PIWIL1: variants seen among roughly 807,000 people sequenced by gnomAD.
The protein encoded by PIWIL1 is piwi-like protein 1.
In PIWIL1, 73 loss-of-function variants were observed where a neutral mutation model predicts 114.4. The observed-to-expected ratio is 0.64, with a 90% CI of 0.53 to 0.78. PIWIL1 has a LOEUF of 0.78. Among genes scored for constraint, PIWIL1 ranks in the 30% least tolerant of loss-of-function variants. The pLI is 0.00. For missense variants in PIWIL1, 723 were observed against 1,063.1 expected (o/e 0.68, Z 4.45); for synonymous variants, 375 against 369.0 (o/e 1.02, Z -0.19).
Position 130,354,983 on chromosome 12 carries a change from C to A in PIWIL1, c.1267C>A (p.Arg423=). The A allele has an allele frequency of 6.2e-7, 1 of 1,606,838 alleles. No individual in the cohort carries two copies. The highest frequency in any genetic ancestry group is 8.5e-7 in the Non-Finnish European group (1 of 1,173,434). The change falls in exon 11 of 21, where the codon CGA becomes AGA. Residue 423 remains arginine, a synonymous_variant. Coordinates refer to ENST00000245255, the MANE Select transcript of PIWIL1 (RefSeq NM_004764.5). ...AGAGCAAAGGCAGCGTGAAGTGGGA[C>A]GACTCATTGATTACATTCATAAGTA... is the stretch of plus-strand genomic sequence containing the variant. The part of the protein sequence containing the change: ...TPEQRQREVG[R]LIDYIHKNDN...
the PIWIL1 span, among the ~76,000 whole-genome samples, chr12:130,406,544 T>C: frequency 6.6e-6 from 1 of 152,270 alleles, no homozygotes; most frequent in African/African-American, 2.4e-5. Context: ...AAATGGTTAA[T>C]TGTAAAAACC....
At chr12:130,357,965 G>C (rs1288479636) in intron 14 of PIWIL1, among the ~76,000 whole-genome samples, 2 of 152,226 alleles carry the variant, frequency 1.3e-5, no homozygotes, top group African/African-American at 4.8e-5. Flanking sequence ...GGGTCGCAGA[G>C]AGCAGGGAGC....
the PIWIL1 span, among the ~76,000 whole-genome samples, chr12:130,405,018 A>AG: frequency 6.6e-6 from 1 of 152,224 alleles, no homozygotes; most frequent in Non-Finnish European, 1.5e-5. Flanking sequence ...TCTCATAGTT[A>AG]GGAAAAAATG....
At chr12:130,342,770 A>C (rs1005568381) in intron 2 of PIWIL1, 101 bp downstream of exon 2, 1 of 930,212 alleles carries the variant, frequency 1.1e-6, no homozygotes, top group Non-Finnish European at 1.7e-6. Flanking sequence ...AGGATATAGG[A>C]AGTGAGCAAG....
chr12:130,402,168 G>A, the PIWIL1 span, among the ~76,000 whole-genome samples: 4 of 152,136 alleles, frequency 2.6e-5, no homozygotes, highest in East Asian at 3.9e-4. Flanking sequence ...CCAAAGTGAC[G>A]ACGGGACTTG....
At chr12:130,363,253 A>T in intron 18 of PIWIL1, 109 bp downstream of exon 18, 1 of 1,102,442 alleles carries the variant, frequency 9.1e-7, no homozygotes, top group Non-Finnish European at 1.3e-6. Flanking sequence ...CTTGATAGGG[A>T]CTGTAGGGCC....
At chr12:130,344,445 A>AGACGTGATATTTGAAACTTCT (rs1555226816) in intron 3 of PIWIL1, among the ~76,000 whole-genome samples, 1 of 151,944 alleles carries the variant, frequency 6.6e-6, no homozygotes, top group Non-Finnish European at 1.5e-5. Flanking sequence ...AAAGTGCTTT[A>AGACGTGATATTTGAAACTTCT]GACGTGATAT....
chr12:130,339,081 C>T (rs1001131281), intron 1 of PIWIL1, among the ~76,000 whole-genome samples: 1 of 152,070 alleles, frequency 6.6e-6, no homozygotes, highest in African/African-American at 2.4e-5. Flanking sequence ...GGCCCCTTCC[C>T]GCGTCCGCCG....
Position 130,349,840 on chromosome 12 carries a change from C to A in PIWIL1, c.933-16C>A. ...ACATTTCCATCAAATGCAGTCAAATCTCAACTGATCCCTAGGTATAACAAT... is the reference window on the plus strand; with the variant it reads ...ACATTTCCATCAAATGCAGTCAAATATCAACTGATCCCTAGGTATAACAAT... On this transcript the variant is annotated splice_polypyrimidine_tract_variant and intron_variant, in intron 8 of 20. Transcript: ENST00000245255. The A allele has an allele frequency of 1.4e-6, 2 of 1,406,286 alleles. No homozygotes were observed. Among genetic ancestry groups the A allele is most frequent in the South Asian group, 1.2e-5 (1 of 82,756 alleles). The allele number at this position is 1,406,286 out of a possible 1,614,324, so 87.1% of individuals were successfully genotyped here.
chr12:130,377,095 G>T (rs1009628053), downstream of PIWIL1, among the ~76,000 whole-genome samples: 2 of 152,180 alleles, frequency 1.3e-5, no homozygotes, highest in Non-Finnish European at 2.9e-5. Context: ...AGCTTCACTG[G>T]TATCATTAGC....
chr12:130,421,227 T>TC, the PIWIL1 span, among the ~76,000 whole-genome samples: 67 of 152,336 alleles, frequency 4.4e-4, no homozygotes, highest in African/African-American at 1.3e-3. Context: ...AGGTTTAGAA[T>TC]ACCCGAAAGG....
chr12:130,419,699 A>G, the PIWIL1 span: 1 of 152,246 alleles, frequency 6.6e-6, no homozygotes, highest in East Asian at 1.9e-4. The surrounding 1 kb of genome is among the most constrained non-coding windows in gnomAD (Gnocchi z 4.3). Context: ...ATAACAAAAA[A>G]TGGGAGAATA....
Position 130,346,399 on chromosome 12 carries a change from A to G in PIWIL1, c.346A>G (p.Thr116Ala). The stretch of plus-strand genomic sequence containing the variant: ...TTCAGGCATTATAGTAAGGTTAAGC[A>G]CTAACCATTTCCGGCTGACATCCCG... ...GSSGIIVRLS[T>A]NHFRLTSRPQ... The change falls in exon 5 of 21, where the codon ACT becomes GCT. Residue 116 changes from threonine (T) to alanine (A), a missense_variant. Transcript: ENST00000245255. The G allele has an allele frequency of 6.2e-7, 1 of 1,613,940 alleles. No homozygotes were observed. Among genetic ancestry groups the G allele is most frequent in the East Asian group, 2.2e-5 (1 of 44,886 alleles).
At chr12:130,399,799 C>CCCA in the PIWIL1 span, 19 of 1,614,012 alleles carry the variant, frequency 1.2e-5, no homozygotes, top group Non-Finnish European at 4.2e-6. Context: ...GGCCTTTCTG[C>CCCA]CCATTCAGCT....
the PIWIL1 span, among the ~76,000 whole-genome samples, chr12:130,394,805 GA>G: frequency 6.7e-6 from 1 of 148,432 alleles, no homozygotes; most frequent in Non-Finnish European, 1.5e-5. Context: ...CGAGAGGATA[GA>G]AAAATGTTTA....
At chr12:130,388,343 G>A in the PIWIL1 span, among the ~76,000 whole-genome samples, 2 of 152,042 alleles carry the variant, frequency 1.3e-5, no homozygotes, top group African/African-American at 4.8e-5. Context: ...AAATGTGAAG[G>A]GCCATTTGTC....
chr12:130,371,466 T>A lies in PIWIL1; in HGVS notation c.2470-16T>A, dbSNP rs201185383. The A allele has an allele frequency of 1.2e-6, 2 of 1,612,992 alleles. No individual in the cohort carries two copies. The highest frequency in any genetic ancestry group is 1.7e-6 in the Non-Finnish European group (2 of 1,179,012). On this transcript the variant is annotated splice_polypyrimidine_tract_variant and intron_variant, in intron 20 of 20. Coordinates refer to ENST00000245255, the MANE Select transcript of PIWIL1 (RefSeq NM_004764.5). ...TAAGTCTAGAGTAATAGAACCTTTTTTTCCTTCCACTAAAGGGTGTCATTC... is the reference window on the plus strand; with the variant it reads ...TAAGTCTAGAGTAATAGAACCTTTTATTCCTTCCACTAAAGGGTGTCATTC...
At chr12:130,342,496 A>T in intron 1 of PIWIL1, 84 bp from the exon 2 acceptor site, 1 of 794,688 alleles carries the variant, frequency 1.3e-6, no homozygotes, top group African/African-American at 1.7e-5. Flanking sequence ...TTTGAAACTC[A>T]AAGAAGTTTA....
intron 14 of PIWIL1, among the ~76,000 whole-genome samples, chr12:130,359,463 C>A (rs1295098379): frequency 6.6e-6 from 1 of 152,206 alleles, no homozygotes; most frequent in African/African-American, 2.4e-5. Flanking sequence ...TAACCATTCC[C>A]TGCCCTGCTC....
Sources: gnomAD v4.1 joint callset for allele counts (sites outside exome capture counted in the v4.1 genomes callset) on GRCh38, gnomAD v4.1.1 for gene constraint, Gnocchi (gnomAD v3.1) non-coding constraint, MANE v1.5 for transcripts, NCBI Gene and HGNC (gene_info 2026-07-23, HGNC 2026-07-21) for gene names.